The following SEMA5B variants were observed in gnomAD, a reference collection of about 807,000 sequenced individuals.
SEMA5B encodes semaphorin 5B.
A neutral mutation model predicts 135.0 loss-of-function variants in SEMA5B; 66 were observed. The ratio of observed to expected loss-of-function variants is 0.49; its 90% confidence interval spans 0.40 to 0.60. SEMA5B has a LOEUF of 0.60. Among genes scored for constraint, SEMA5B ranks in the 20% least tolerant of loss-of-function variants. The probability of loss-of-function intolerance (pLI) is 0.00; values close to 1 mark genes in which losing one functional copy is unlikely to be tolerated. For missense variants in SEMA5B, 1,501 were observed against 1,566.3 expected, an observed-to-expected ratio of 0.96 and a Z score of 0.70; for synonymous variants, 690 against 639.5, an observed-to-expected ratio of 1.08 and a Z score of -1.19.
chr3:122,986,422 C>A (rs1313184976), intron 1 of SEMA5B, among the ~76,000 whole-genome samples: 1 of 152,074 alleles, frequency 6.6e-6, no homozygotes, highest in African/African-American at 2.4e-5. Context: ...TCACCAAAAC[C>A]AAAGTTGCAT....
chr3:122,970,376 C>G (rs542366238), intron 1 of SEMA5B, among the ~76,000 whole-genome samples: 1 of 152,188 alleles, frequency 6.6e-6, no homozygotes, highest in Non-Finnish European at 1.5e-5. Context: ...TTGTTACAAC[C>G]GATTGTTGGG....
intron 7 of SEMA5B, 91 bp from the exon 8 acceptor site, chr3:122,928,094 A>G: frequency 1.1e-6 from 1 of 906,174 alleles, no homozygotes; most frequent in South Asian, 2.2e-5. Flanking sequence ...CCTGTGCCCC[A>G]GTCTCTCTGG....
intron 1 of SEMA5B, among the ~76,000 whole-genome samples, chr3:122,989,517 C>T (rs1377406876): frequency 2.6e-5 from 4 of 152,218 alleles, no homozygotes; most frequent in Non-Finnish European, 5.9e-5. Context: ...CTATGGCAGC[C>T]CACAAGGGCC....
chr3:122,956,291 T>A (rs946609867), intron 2 of SEMA5B, among the ~76,000 whole-genome samples: 1 of 152,208 alleles, frequency 6.6e-6, no homozygotes, highest in Non-Finnish European at 1.5e-5. Flanking sequence ...GGGTCACTCT[T>A]ATGGTGCCTG....
At chr3:122,944,709 T>C (rs920827731) in intron 3 of SEMA5B, among the ~76,000 whole-genome samples, 2 of 48,448 alleles carry the variant, frequency 4.1e-5, no homozygotes, top group Admixed American at 4.8e-4. Flanking sequence ...GGATGGGGAG[T>C]GGTCTGGGAG....
intron 1 of SEMA5B, among the ~76,000 whole-genome samples, chr3:122,967,671 A>C (rs1940927242): frequency 6.6e-6 from 1 of 152,114 alleles, no homozygotes; most frequent in African/African-American, 2.4e-5. Context: ...GGATCATGAG[A>C]TCGTGGGATC....
intron 1 of SEMA5B, among the ~76,000 whole-genome samples, chr3:123,017,966 G>A (rs1322785839): frequency 6.6e-6 from 1 of 152,030 alleles, no homozygotes; most frequent in East Asian, 1.9e-4. Context: ...CCAGCAAAAG[G>A]TTGGTTGAAC....
chr3:122,912,240 G>T lies in SEMA5B; in HGVS notation c.2828C>A (p.Ser943Tyr), dbSNP rs1326292390. The change falls in exon 19 of 23, where the codon TCC (serine) becomes TAC (tyrosine). Residue 943 changes from serine to tyrosine, a missense_variant. Coordinates refer to ENST00000357599, the MANE Select transcript of SEMA5B (RefSeq NM_001031702.4). ...RTRSCTSPAP[S>Y]PGEDICLGLH... ...CCCGAGACAGATGTCCTCACCTGGG[G>T]AGGGTGCGGGGCTGGTGCAGGAACG... The T allele has an allele frequency of 5.0e-6, 8 of 1,612,068 alleles. No individual in the cohort carries two copies. The highest frequency in any genetic ancestry group is 1.3e-5 in the African/African-American group (1 of 74,882).
At chr3:122,993,709 G>A (rs535864012) in intron 1 of SEMA5B, among the ~76,000 whole-genome samples, 1 of 152,160 alleles carries the variant, frequency 6.6e-6, no homozygotes, top group African/African-American at 2.4e-5. Context: ...ATCCAGAACA[G>A]GCAGGAGACA....
chr3:122,943,954 G>A (rs1194316102), intron 3 of SEMA5B, among the ~76,000 whole-genome samples: 1 of 152,122 alleles, frequency 6.6e-6, no homozygotes, highest in Admixed American at 6.5e-5. Flanking sequence ...AGTGCCAACA[G>A]CCTCCTAACC....
chr3:123,021,174 C>T (rs141730837), intron 1 of SEMA5B, among the ~76,000 whole-genome samples: 26 of 152,282 alleles, frequency 1.7e-4, no homozygotes, highest in Non-Finnish European at 1.8e-4. Flanking sequence ...GCCCGGATCC[C>T]GGGAAATCTG....
intron 1 of SEMA5B, chr3:122,976,226 C>A (rs1393473396): frequency 4.3e-6 from 6 of 1,409,712 alleles, no homozygotes; most frequent in Non-Finnish European, 5.7e-6. Flanking sequence ...ATCTGCACCT[C>A]CTGGGAACTT....
At chr3:123,017,758 A>G (rs76983163) in intron 1 of SEMA5B, among the ~76,000 whole-genome samples, 35 of 152,074 alleles carry the variant, frequency 2.3e-4, no homozygotes, top group Non-Finnish European at 4.1e-4. Context: ...AAATACAAAA[A>G]TTAGCCAGAT....
chr3:122,927,221 C>G (rs1336494240), intron 8 of SEMA5B, among the ~76,000 whole-genome samples: 5 of 152,188 alleles, frequency 3.3e-5, no homozygotes, highest in African/African-American at 9.7e-5. Flanking sequence ...GGCTCTTGCT[C>G]TTTCACCCAG....
At chr3:122,923,578 C>T in intron 10 of SEMA5B, 39 bp downstream of exon 10, 1 of 1,611,742 alleles carries the variant, frequency 6.2e-7, no homozygotes, top group Middle Eastern at 1.7e-4. Flanking sequence ...GGGGGTAAGG[C>T]AGTGTGTGAA....
At chr3:122,975,912 C>T (rs1245367200) in intron 1 of SEMA5B, 9 of 1,497,046 alleles carry the variant, frequency 6.0e-6, no homozygotes, top group African/African-American at 2.8e-5. Context: ...GACTCCCTCT[C>T]CTGCCCCCTC....
intron 1 of SEMA5B, among the ~76,000 whole-genome samples, chr3:123,020,125 A>T (rs1305054292): frequency 6.6e-6 from 1 of 152,218 alleles, no homozygotes; most frequent in Non-Finnish European, 1.5e-5. Flanking sequence ...ACAAAGATTA[A>T]TGTGCAAGGA....
At chr3:122,931,472 T>C (rs1938967192) in intron 5 of SEMA5B, among the ~76,000 whole-genome samples, 1 of 152,162 alleles carries the variant, frequency 6.6e-6, no homozygotes, top group Admixed American at 6.5e-5. Flanking sequence ...AGAAACAAAA[T>C]TGCTGCCAAT....
chr3:123,020,079 T>C (rs532190862), intron 1 of SEMA5B, among the ~76,000 whole-genome samples: 1 of 152,352 alleles, frequency 6.6e-6, no homozygotes, highest in African/African-American at 2.4e-5. Context: ...ATTCCACTTC[T>C]AGAAATCTGT....
Sources: gnomAD v4.1 joint callset for allele counts (sites outside exome capture counted in the v4.1 genomes callset) on GRCh38, gnomAD v4.1.1 for gene constraint, MANE v1.5 for transcripts, NCBI Gene and HGNC (gene_info 2026-07-23, HGNC 2026-07-21) for gene names.